TTLL10: variants seen among roughly 807,000 people sequenced by gnomAD.
TTLL10 encodes the protein inactive polyglycylase TTLL10.
A neutral mutation model predicts 69.0 loss-of-function variants in TTLL10; 61 were observed. The observed-to-expected ratio is 0.88, with a 90% CI of 0.72 to 1.09. The LOEUF (loss-of-function observed/expected upper bound fraction) is 1.09. Ranked by LOEUF, TTLL10 falls within the 50% of genes least tolerant of loss-of-function variation. TTLL10 has a pLI of 0.00. For missense variants in TTLL10, 962 were observed against 945.9 expected (o/e 1.02, Z -0.22); for synonymous variants, 408 against 393.3 (o/e 1.04, Z -0.44).
intron 3 of TTLL10, among the ~76,000 whole-genome samples, chr1:1,178,407 A>G (rs1323502580): frequency 1.3e-5 from 2 of 152,036 alleles, no homozygotes; most frequent in African/African-American, 4.8e-5. Flanking sequence ...TAAAAATACA[A>G]AAAGTTAGCT....
rs1225658717 is a variant in TTLL10, at chr1:1,181,697, T to G, written c.756-44T>G. On this transcript the variant is annotated intron_variant, in intron 8 of 15. Coordinates refer to ENST00000379289, the MANE Select transcript of TTLL10 (RefSeq NM_001130045.2). This position sits in a 1 kb window ranked among gnomAD's most constrained non-coding sequence, Gnocchi z 4.6. ...CAGTCCCCACCCGCTCCAAGCACCATGAGCTGGCCCCTCAGTCCAGGCCCT... is the reference window on the plus strand; with the variant it reads ...CAGTCCCCACCCGCTCCAAGCACCAGGAGCTGGCCCCTCAGTCCAGGCCCT... 8.5e-6 allele frequency: 13 copies of G among 1,533,542 alleles called. No homozygotes were observed. The highest frequency in any genetic ancestry group is 9.7e-6 in the Non-Finnish European group (11 of 1,130,746). The allele number at this position is 1,533,542 out of a possible 1,614,324, so 95.0% of individuals were successfully genotyped here. A position where few individuals can be genotyped will look rare whatever the true frequency, so the allele number is the denominator to read the frequency against.
At position 1,180,113 on chromosome 1, in the gene TTLL10, AG is replaced by A; in HGVS notation, c.280del (p.Asp94MetfsTer24). On this transcript the variant is annotated frameshift_variant, in exon 6 of 16. Transcript: ENST00000379289. LOFTEE classifies it high-confidence loss of function. ...CQPSQPDHDA[D>X]GHCGPDLEGA... ...AGCCAAGCCAGCCAGACCACGACGC[AG>A]ATGGACACTGTGGGCCGGACCTGGA... The A allele has an allele frequency of 1.9e-6, 3 of 1,611,704 alleles. No individual in the cohort carries two copies. In the South Asian group the frequency reaches 3.3e-5, roughly 18 times the overall value.
chr1:1,178,840 C>T (rs796776823), intron 3 of TTLL10, among the ~76,000 whole-genome samples: 5 of 152,312 alleles, frequency 3.3e-5, no homozygotes, highest in African/African-American at 1.2e-4. Context: ...GCCAAGGAGC[C>T]CTCCCACCCT....
rs752236876 is a variant in TTLL10, at chr1:1,183,961, A to G, written c.1130A>G (p.Asp377Gly). ...NPLLVDGRKF[D>G]VRSYLLIACT... The stretch of plus-strand genomic sequence containing the variant: ...CTGCTGGTGGACGGGAGAAAGTTTG[A>G]CGTGCGCTCCTACCTGCTCATTGCC... The change falls in exon 12 of 16, where the codon GAC (aspartate) becomes GGC (glycine). Residue 377 changes from aspartate (D) to glycine (G), a missense_variant. Asp to Gly is a moderately conservative substitution (Grantham distance 94, BLOSUM62 -1). Coordinates refer to ENST00000379289, the MANE Select transcript of TTLL10 (RefSeq NM_001130045.2). 1 of 1,614,132 alleles carries G rather than the reference A, an allele frequency of 6.2e-7. No individual in the cohort carries two copies. Among genetic ancestry groups the G allele is most frequent in the Non-Finnish European group, 8.5e-7 (1 of 1,180,016 alleles).
At chr1:1,193,142 G>A (rs1412405851) in intron 13 of TTLL10, among the ~76,000 whole-genome samples, 3 of 152,108 alleles carry the variant, frequency 2.0e-5, no homozygotes, top group Non-Finnish European at 4.4e-5. Context: ...TGGCTAACAC[G>A]GTGAAACCCC....
At position 1,180,848 on chromosome 1, in the gene TTLL10, G is replaced by T. The variant is rs754621593; in HGVS notation, c.743G>T (p.Gly248Val). 3.7e-5 allele frequency: 59 copies of T among 1,574,878 alleles called. No homozygotes were observed. Among genetic ancestry groups the T allele is most frequent in the Admixed American group, 1.3e-4 (7 of 55,738 alleles). Residue 248 changes from glycine (G) to valine (V), a missense_variant, in exon 8 of 16, where the codon GGG (glycine) becomes GTG (valine). Coordinates refer to ENST00000379289, the MANE Select transcript of TTLL10 (RefSeq NM_001130045.2). ...AGCAAGGCCAGCAAGGTGCCGGGGG[G>T]GGTCCAGGCCAGGTGAGTCTGCCCC... ...AMSKASKVPG[G>V]VQARLEKDAA...
At chr1:1,187,032 G>A (rs926956840) in intron 13 of TTLL10, among the ~76,000 whole-genome samples, 1 of 151,188 alleles carries the variant, frequency 6.6e-6, no homozygotes, top group South Asian at 2.1e-4. Context: ...ATTTTTAGTA[G>A]AGACAGGGTT....
At position 1,183,963 on chromosome 1, in the gene TTLL10, G is replaced by T. The variant is rs116374589; in HGVS notation, c.1132G>T (p.Val378Leu). 2 of 1,614,052 alleles carry T rather than the reference G, an allele frequency of 1.2e-6. No individual in the cohort carries two copies. Among genetic ancestry groups the T allele is most frequent in the Non-Finnish European group, 1.7e-6 (2 of 1,180,020 alleles). The change falls in exon 12 of 16, where the codon GTG (valine) becomes TTG (leucine). Residue 378 changes from valine (V) to leucine (L), a missense_variant. Physicochemically the swap from Val to Leu is conservative, Grantham distance 32. Transcript: ENST00000379289. ...GCTGGTGGACGGGAGAAAGTTTGACGTGCGCTCCTACCTGCTCATTGCCTG... is the reference window on the plus strand; with the variant it reads ...GCTGGTGGACGGGAGAAAGTTTGACTTGCGCTCCTACCTGCTCATTGCCTG... The part of the protein sequence containing the change: ...PLLVDGRKFD[V>L]RSYLLIACTT...
Position 1,174,316 on chromosome 1 carries a change from A to G in TTLL10, c.-99A>G, listed in dbSNP as rs991830547. ...CCGGCCGGGAGGCACCAGCTCTTCG[A>G]ACAATGTCAGTACCTTCCTAGGGCC... On this transcript the variant is annotated 5_prime_UTR_variant, in exon 2 of 16. Coordinates refer to ENST00000379289, the MANE Select transcript of TTLL10 (RefSeq NM_001130045.2). The G allele has an allele frequency of 3.9e-5, 6 of 152,712 alleles. No individual in the cohort carries two copies. Among genetic ancestry groups the G allele is most frequent in the African/African-American group, 1.4e-4 (6 of 41,476 alleles). 9.5% of individuals were successfully genotyped at this position (152,712 alleles called of 1,614,324 possible). A position where few individuals can be genotyped will look rare whatever the true frequency, so the allele number is the denominator to read the frequency against.
chr1:1,191,540 G>A (rs1226002853), intron 13 of TTLL10, among the ~76,000 whole-genome samples: 1 of 152,198 alleles, frequency 6.6e-6, no homozygotes, highest in East Asian at 1.9e-4. Context: ...ATATCCATGT[G>A]CACTGGAGAA....
intron 13 of TTLL10, among the ~76,000 whole-genome samples, chr1:1,186,088 TTTTC>T (rs1403509159): frequency 6.9e-6 from 1 of 144,726 alleles, no homozygotes; most frequent in Non-Finnish European, 1.5e-5. Flanking sequence ...TATCCTTTTC[TTTTC>T]TTTTTTTTTT....
chr1:1,192,094 G>A (rs1647839551), intron 13 of TTLL10, among the ~76,000 whole-genome samples: 2 of 152,200 alleles, frequency 1.3e-5, no homozygotes, highest in Non-Finnish European at 2.9e-5. Flanking sequence ...TTTGGGGGGG[G>A]GCCTGCTCCC....
rs1168016636 is a variant in TTLL10, at chr1:1,195,500, C to CTTTTTTTTTTTTTTT, written c.1402-1096_1402-1082dup. On this transcript the variant is annotated intron_variant, in intron 13 of 15. Transcript: ENST00000379289. ...TATTTGATAAGACATCATCGTCATACTTTTTTTTTTTTTTTTTTAGTTTTA... is the reference window on the plus strand; with the variant it reads ...TATTTGATAAGACATCATCGTCATACTTTTTTTTTTTTTTTTTTTTTTTTTTTTTTTTTAGTTTTA... Among the ~76,000 whole-genome samples, 17 of 98,792 alleles carry CTTTTTTTTTTTTTTT rather than the reference C, an allele frequency of 1.7e-4. 2 individuals are homozygous for CTTTTTTTTTTTTTTT. The highest frequency in any genetic ancestry group is 5.4e-4 in the African/African-American group (13 of 24,064). 64.8% of individuals were successfully genotyped at this position (98,792 alleles called of 152,430 possible).
chr1:1,185,196 C>A lies in TTLL10; in HGVS notation c.1401+87C>A. Reference sequence around the variant, plus strand: ...GGCTGGGCACCAGGCACACAGATGTCCGTGGCGTGCGTGGGCGGCTGCGCT... The same window carrying A: ...GGCTGGGCACCAGGCACACAGATGTACGTGGCGTGCGTGGGCGGCTGCGCT... On this transcript the variant is annotated intron_variant, in intron 13 of 15. Coordinates refer to ENST00000379289, the MANE Select transcript of TTLL10 (RefSeq NM_001130045.2). This position sits in a 1 kb window ranked among gnomAD's most constrained non-coding sequence, Gnocchi z 6.1. 2 of 1,558,408 alleles carry A rather than the reference C, an allele frequency of 1.3e-6. No individual in the cohort carries two copies. The highest frequency in any genetic ancestry group is 1.2e-5 in the South Asian group (1 of 84,826).
rs569262709 is a variant in TTLL10, at chr1:1,197,650, G to A, written c.1825G>A (p.Ala609Thr). 2.8e-4 allele frequency: 419 copies of A among 1,499,018 alleles called. 10 individuals are homozygous for A. In the South Asian group the frequency reaches 4.7e-3, roughly 17 times the overall value. 92.9% of individuals were successfully genotyped at this position (1,499,018 alleles called of 1,614,324 possible). A position where few individuals can be genotyped will look rare whatever the true frequency, so the allele number is the denominator to read the frequency against. ...GCCGCATGCCCCAGACCAGCCGGGC[G>A]CCCGCAGGCCTGCGCCACCTCCCTT... ...PMPHAPDQPG[A>T]RRPAPPPLVP... is the part of the protein sequence containing the mutation. The change falls in exon 16 of 16, where the codon GCC becomes ACC. Residue 609 changes from alanine to threonine, a missense_variant. By Grantham distance (58) the Ala-to-Thr change is moderately conservative. Coordinates refer to ENST00000379289, the MANE Select transcript of TTLL10 (RefSeq NM_001130045.2).
chr1:1,182,811 G>T (rs1312844765), intron 10 of TTLL10, 65 bp from the exon 11 acceptor site: 6 of 1,490,038 alleles, frequency 4.0e-6, no homozygotes, highest in Non-Finnish European at 4.5e-6. Context: ...GGTCCTGGTC[G>T]GGCCCTAGGA....
chr1:1,191,629 C>T (rs1002887512), intron 13 of TTLL10, among the ~76,000 whole-genome samples: 1 of 152,138 alleles, frequency 6.6e-6, no homozygotes, highest in Non-Finnish European at 1.5e-5. Context: ...GACCCTAACC[C>T]GGCGGCGCTA....
intron 13 of TTLL10, among the ~76,000 whole-genome samples, chr1:1,194,914 C>T (rs150869595): frequency 1.3e-5 from 2 of 152,162 alleles, no homozygotes; most frequent in African/African-American, 4.8e-5. Context: ...CTGGGACTCC[C>T]ATTATGCATA....
chr1:1,180,489 C>A lies in TTLL10; in HGVS notation c.513C>A (p.Ser171Arg), dbSNP rs1364346811. ...CCGCCCCCACCCCTCGCAGCATCAG[C>A]TCCTACTGCAAAAGCAAGGGCTGGC... is the stretch of plus-strand genomic sequence containing the variant. ...IGGSNGATIISSYCKSKGWQR... is the reference protein window; with the variant it reads ...IGGSNGATIIRSYCKSKGWQR... Residue 171 changes from serine (S) to arginine (R), a missense_variant, in exon 7 of 16, where the codon AGC (serine) becomes AGA (arginine). Coordinates refer to ENST00000379289, the MANE Select transcript of TTLL10 (RefSeq NM_001130045.2). 11 of 1,551,124 alleles carry A rather than the reference C, an allele frequency of 7.1e-6. No homozygotes were observed. Among genetic ancestry groups the A allele is most frequent in the Non-Finnish European group, 9.6e-6 (11 of 1,147,436 alleles).
Sources: allele counts gnomAD v4.1 joint callset (sites outside exome capture counted in the v4.1 genomes callset), GRCh38; gene constraint gnomAD v4.1.1; non-coding constraint Gnocchi (gnomAD v3.1); transcripts MANE v1.5; gene names NCBI Gene and HGNC (gene_info 2026-07-23, HGNC 2026-07-21).